The following ASB11 variants were observed in gnomAD, a reference collection of about 807,000 sequenced individuals.
ASB11 encodes ankyrin repeat and SOCS box containing 11.
Under a neutral mutation model 20.1 loss-of-function variants are expected in ASB11, and 17 were observed. The observed-to-expected ratio is 0.85, with a 90% CI of 0.58 to 1.27. The LOEUF is 1.27. Ranked by LOEUF, ASB11 falls within the 50% of genes most tolerant of loss-of-function variation. The pLI is 0.00. For missense variants in ASB11, 259 were observed against 256.9 expected (o/e 1.01, Z -0.06); for synonymous variants, 107 against 105.6 (o/e 1.01, Z -0.08).
At chrX:15,298,757 G>T (rs1266887228) in intron 2 of ASB11, among the ~76,000 whole-genome samples, 1 of 111,474 alleles carries the variant, frequency 9.0e-6, no homozygotes, top group Non-Finnish European at 1.9e-5. Flanking sequence ...TCAGGAGGTC[G>T]AGCTGGATCT....
chrX:15,283,248 A>T lies in ASB11; in HGVS notation c.*257T>A, dbSNP rs889070723. The T allele has an allele frequency of 5.8e-5, 16 of 276,595 alleles. No individual in the cohort carries two copies. The highest frequency in any genetic ancestry group is 9.6e-5 in the Non-Finnish European group (15 of 156,623). The allele number at this position is 276,595 out of a possible 1,213,427, so 22.8% of individuals were successfully genotyped here. On this transcript the variant is annotated 3_prime_UTR_variant, in exon 7 of 7. Transcript: ENST00000480796. ...AAAAACAGCCTATTGTTTTCACTCTACTTCACAGTTCTTTTAAGTTTCTTA... is the reference window on the plus strand; with the variant it reads ...AAAAACAGCCTATTGTTTTCACTCTTCTTCACAGTTCTTTTAAGTTTCTTA...
At chrX:15,284,114 T>C (rs868132175) in intron 6 of ASB11, among the ~76,000 whole-genome samples, 38 of 106,217 alleles carry the variant, frequency 3.6e-4, no homozygotes, top group African/African-American at 1.1e-3. Flanking sequence ...TAGCCGGGTG[T>C]GGTGGCGGGT....
intron 1 of ASB11, among the ~76,000 whole-genome samples, chrX:15,303,783 G>T (rs1921147212): frequency 8.9e-6 from 1 of 112,133 alleles, no homozygotes; most frequent in African/African-American, 3.2e-5. Flanking sequence ...TGGTCTCTAA[G>T]TAGGCCAATC....
At chrX:15,297,872 A>G (rs1342076838) in intron 2 of ASB11, among the ~76,000 whole-genome samples, 191 bp from the exon 3 acceptor site, 2 of 112,325 alleles carry the variant, frequency 1.8e-5, no homozygotes, top group Non-Finnish European at 3.8e-5. Flanking sequence ...ATAGCAATGA[A>G]AGCAATGTTG....
At chrX:15,298,876 G>A (rs920519097) in intron 2 of ASB11, among the ~76,000 whole-genome samples, 16 of 111,843 alleles carry the variant, frequency 1.4e-4, no homozygotes, top group Non-Finnish European at 2.4e-4. Flanking sequence ...TGTGTGCAGA[G>A]GTCTCTGAAG....
At chrX:15,297,490 A>G (rs1332066732) in intron 3 of ASB11, 84 bp downstream of exon 3, 2 of 814,908 alleles carry the variant, frequency 2.5e-6, no homozygotes, top group Non-Finnish European at 3.5e-6. Flanking sequence ...CACAGTGGGT[A>G]AGCCATCTGG....
intron 1 of ASB11, among the ~76,000 whole-genome samples, chrX:15,306,628 G>C (rs947046075): frequency 1.8e-5 from 2 of 110,445 alleles, no homozygotes; most frequent in African/African-American, 6.6e-5. Flanking sequence ...ACTTGAACCC[G>C]GGAGGTGGAG....
In ASB11 at chrX:15,283,223, A is replaced by G. The variant is rs1410641607; in HGVS notation, c.*282T>C. The G allele has an allele frequency of 4.5e-6, 1 of 220,688 alleles. No individual in the cohort carries two copies. The allele number at this position is 220,688 out of a possible 1,213,427, so 18.2% of individuals were successfully genotyped here. On this transcript the variant is annotated 3_prime_UTR_variant, in exon 7 of 7. Transcript: ENST00000480796. Reference sequence around the variant, plus strand: ...GGTACAAGAAGATCCCGAATCATCAAAAAACAGCCTATTGTTTTCACTCTA... The same window carrying G: ...GGTACAAGAAGATCCCGAATCATCAGAAAACAGCCTATTGTTTTCACTCTA...
rs1927412113 is a variant in ASB11 at position 15,287,236 on chromosome X, T to C, written c.847+645A>G. Among the ~76,000 whole-genome samples the C allele has an allele frequency of 2.7e-5, 3 of 112,966 alleles. No individual in the cohort carries two copies. The Admixed American group carries it at 2.8e-4, about 11-fold the overall frequency. ...AATTTGCCATCAGATTGTCTCCCAA[T>C]ATTACAAAGCAGAGTTTTGGTTTGC... On this transcript the variant is annotated intron_variant, in intron 6 of 6. Coordinates refer to ENST00000480796, the MANE Select transcript of ASB11 (RefSeq NM_080873.3).
rs1203561883 is a variant in ASB11 at position 15,291,713 on chromosome X, T to TA, written c.520+1456dup. Among the ~76,000 whole-genome samples, 19 of 78,526 alleles carry TA rather than the reference T, an allele frequency of 2.4e-4. No homozygotes were observed. In the South Asian group the frequency reaches 2.5e-3, roughly 10 times the overall value. 68.2% of individuals were successfully genotyped at this position (78,526 alleles called of 115,157 possible). A position where few individuals can be genotyped will look rare whatever the true frequency, so the allele number is the denominator to read the frequency against. On this transcript the variant is annotated intron_variant, in intron 4 of 6. Transcript: ENST00000480796. Reference sequence around the variant, plus strand: ...CAGAGCAAGACTCTGTCTCAAAAAATAAAAAAAAAATTTAAAAAAATTAAA... The same window carrying TA: ...CAGAGCAAGACTCTGTCTCAAAAAATAAAAAAAAAAATTTAAAAAAATTAAA...
Position 15,283,467 on chromosome X carries a change from C to A in ASB11, c.*38G>T. 5 of 1,204,968 alleles carry A rather than the reference C, an allele frequency of 4.1e-6. No homozygotes were observed. The highest frequency in any genetic ancestry group is 4.5e-6 in the Non-Finnish European group (4 of 889,750). ...TACTCTAGGTACAGCAGACAACAATCTGTGTCATTCCAAGTATCTTCCCAG... is the reference window on the plus strand; with the variant it reads ...TACTCTAGGTACAGCAGACAACAATATGTGTCATTCCAAGTATCTTCCCAG... On this transcript the variant is annotated 3_prime_UTR_variant, in exon 7 of 7. Coordinates refer to ENST00000480796, the MANE Select transcript of ASB11 (RefSeq NM_080873.3).
At position 15,283,568 on chromosome X, in the gene ASB11, A is replaced by G. The variant is rs1226286477; in HGVS notation, c.909T>C (p.Cys303=). 1 of 1,209,934 alleles carries G rather than the reference A, an allele frequency of 8.3e-7. No homozygotes were observed. The highest frequency in any genetic ancestry group is 3.0e-5 in the East Asian group (1 of 33,822). Residue 303 remains cysteine (C), a synonymous_variant, in exon 7 of 7, where the codon TGT becomes TGC. Coordinates refer to ENST00000480796, the MANE Select transcript of ASB11 (RefSeq NM_080873.3). The part of the protein sequence containing the change: ...LCVRKCLGRA[C]HQAIHKLHLP... ...GATGTAGCTTGTGGATGGCTTGATG[A>G]CATGCTCGACCGAGACACTTCCGGA...
rs1354583522 is a variant in ASB11 at position 15,287,226 on chromosome X, T to G, written c.847+655A>C. ...AAGTCTTTTGAATTTGCCATCAGAT[T>G]GTCTCCCAATATTACAAAGCAGAGT... On this transcript the variant is annotated intron_variant, in intron 6 of 6. Coordinates refer to ENST00000480796, the MANE Select transcript of ASB11 (RefSeq NM_080873.3). Among the ~76,000 whole-genome samples, 8 of 112,976 alleles carry G rather than the reference T, an allele frequency of 7.1e-5. No homozygotes were observed. In the Admixed American group the frequency reaches 7.5e-4, roughly 11 times the overall value.
At position 15,293,257 on chromosome X, in the gene ASB11, C is replaced by T. The variant is rs151024633; in HGVS notation, c.433G>A (p.Ala145Thr). The T allele has an allele frequency of 4.0e-5, 48 of 1,210,100 alleles. No homozygotes were observed. The highest frequency in any genetic ancestry group is 4.8e-5 in the Non-Finnish European group (43 of 895,187). ...LFNACCSGSA[A>T]CVNVLLEFGA... ...AACTCCAGCAGCACATTGACACATG[C>T]AGCACTGCCGCTGCAGCAAGCATTG... The change falls in exon 4 of 7, where the codon GCA becomes ACA. Residue 145 changes from alanine (A) to threonine (T), a missense_variant. Physicochemically the swap from Ala to Thr is moderately conservative, Grantham distance 58. Transcript: ENST00000480796.
intron 2 of ASB11, among the ~76,000 whole-genome samples, chrX:15,299,320 G>A (rs933095104): frequency 6.3e-5 from 7 of 111,794 alleles, no homozygotes; most frequent in African/African-American, 2.3e-4. Context: ...CATGTAAAAT[G>A]TACATTTGTT....
chrX:15,297,574 G>A lies in ASB11; in HGVS notation c.369C>T (p.His123=), dbSNP rs181045050. Residue 123 remains histidine (H), a splice_region_variant and synonymous_variant, in exon 3 of 7, where the codon CAC becomes CAT. Transcript: ENST00000480796. ...CCAAGTGGGCAGGGGCAGTACTCACGTGTGCACCATTTTCCAATAAGGCTT... is the reference window on the plus strand; with the variant it reads ...CCAAGTGGGCAGGGGCAGTACTCACATGTGCACCATTTTCCAATAAGGCTT... ...CAKALLENGA[H]VNGVTVHGAT... is the part of the protein sequence containing the mutation. 1.7e-6 allele frequency: 2 copies of A among 1,189,023 alleles called. No homozygotes were observed. Among genetic ancestry groups the A allele is most frequent in the South Asian group, 1.9e-5 (1 of 53,090 alleles).
intron 6 of ASB11, among the ~76,000 whole-genome samples, chrX:15,284,985 G>T (rs1004131036): frequency 2.7e-5 from 3 of 111,214 alleles, no homozygotes; most frequent in African/African-American, 9.8e-5. Context: ...CCAAACAATC[G>T]ATCTTAGTTA....
At chrX:15,310,813 C>A (rs1921408325) in intron 1 of ASB11, among the ~76,000 whole-genome samples, 1 of 111,423 alleles carries the variant, frequency 9.0e-6, no homozygotes, top group Non-Finnish European at 1.9e-5. Flanking sequence ...CATGGTGAAA[C>A]CCTGTCTCTA....
chrX:15,285,440 G>A (rs1927356255), intron 6 of ASB11, among the ~76,000 whole-genome samples: 1 of 110,225 alleles, frequency 9.1e-6, no homozygotes, highest in South Asian at 3.9e-4. Flanking sequence ...CGCCCAGCCA[G>A]TATTAATCTT....
Sources: gnomAD v4.1 joint callset for allele counts (sites outside exome capture counted in the v4.1 genomes callset) on GRCh38, gnomAD v4.1.1 for gene constraint, MANE v1.5 for transcripts, NCBI Gene and HGNC (gene_info 2026-07-23, HGNC 2026-07-21) for gene names.